PACS2: variants seen among roughly 807,000 people sequenced by gnomAD.
The protein encoded by PACS2 is PACS1-like protein.
A neutral mutation model predicts 113.0 loss-of-function variants in PACS2; 36 were observed. The observed-to-expected ratio is 0.32, with a 90% CI of 0.24 to 0.42. The LOEUF (loss-of-function observed/expected upper bound fraction) is 0.42, where lower values mean the gene tolerates loss of function less well. Among genes scored for constraint, PACS2 ranks in the 10% least tolerant of loss-of-function variants. The pLI is 1.00. For missense variants in PACS2, 1,015 were observed against 1,239.5 expected (o/e 0.82, Z 2.72); for synonymous variants, 589 against 536.1 (o/e 1.10, Z -1.36).
intron 1 of PACS2, among the ~76,000 whole-genome samples, chr14:105,336,092 G>T (rs926524305): frequency 2.0e-5 from 3 of 152,204 alleles, no homozygotes; most frequent in Non-Finnish European, 4.4e-5. Flanking sequence ...GCTCCCACGC[G>T]GGCAGGCTCG....
Position 105,356,224 on chromosome 14 carries a change from G to C in PACS2, c.423+1047G>C, listed in dbSNP as rs1595680839. 6.6e-6 allele frequency among the ~76,000 whole-genome samples: 1 copy of C among 152,114 alleles called. No homozygotes were observed. The highest frequency in any genetic ancestry group is 2.4e-5 in the African/African-American group (1 of 41,412). On this transcript the variant is annotated intron_variant, in intron 4 of 24. Coordinates refer to ENST00000447393, the MANE Select transcript of PACS2 (RefSeq NM_001100913.3). The surrounding 1 kb of genome is among the most constrained non-coding windows in gnomAD (Gnocchi z 4.0). ...CCCAGGTCAAGCGCTAGGTCCCCCA[G>C]ATCCTCACACACCCCCACTTACGCA...
At chr14:105,362,223 C>T (rs587688501) in intron 4 of PACS2, among the ~76,000 whole-genome samples, 114 of 150,784 alleles carry the variant, frequency 7.6e-4, no homozygotes, top group Middle Eastern at 3.5e-3. Flanking sequence ...TCAAGACCAT[C>T]CTGGCTAACA....
intron 19 of PACS2, chr14:105,389,715 C>G (rs1405512227): frequency 1.1e-5 from 6 of 568,398 alleles, no homozygotes; most frequent in East Asian, 2.9e-5. Context: ...ACAGAGACCC[C>G]TTTGTCCTTC....
intron 3 of PACS2, among the ~76,000 whole-genome samples, chr14:105,353,408 C>T (rs868987282): frequency 2.4e-5 from 3 of 126,618 alleles, no homozygotes; most frequent in Admixed American, 1.6e-4. Context: ...GGGTGACGGC[C>T]CCCCCTCATC....
chr14:105,317,330 G>A lies in PACS2; in HGVS notation c.119+2293G>A, dbSNP rs138716675. 7.6e-4 allele frequency among the ~76,000 whole-genome samples: 116 copies of A among 152,250 alleles called. 1 individual carries two copies. In the East Asian group the frequency reaches 0.015, roughly 19 times the overall value. ...TGCGTGTGTCTTTCTGGATGGGCAG[G>A]GCCTGTCTTAAGCATGTACCGCCAG... On this transcript the variant is annotated intron_variant, in intron 1 of 24. Coordinates refer to ENST00000447393, the MANE Select transcript of PACS2 (RefSeq NM_001100913.3). This position sits in a 1 kb window ranked among gnomAD's most constrained non-coding sequence, Gnocchi z 4.2.
chr14:105,387,248 C>G (rs147445354), intron 19 of PACS2, among the ~76,000 whole-genome samples: 1 of 152,246 alleles, frequency 6.6e-6, no homozygotes, highest in Non-Finnish European at 1.5e-5. Context: ...GTGCAGAGCC[C>G]TCTCCAGCCA....
rs1595145698 is a variant in PACS2, at chr14:105,380,108, T to C, written c.1079T>C (p.Leu360Pro). 7.1e-6 allele frequency: 11 copies of C among 1,553,178 alleles called. No homozygotes were observed. Among genetic ancestry groups the C allele is most frequent in the Non-Finnish European group, 9.6e-6 (11 of 1,148,190 alleles). ...PADVPEKTRSLGGRQPSDSVS... is the reference protein window; with the variant it reads ...PADVPEKTRSPGGRQPSDSVS... The stretch of plus-strand genomic sequence containing the variant: ...GACGTGCCCGAGAAGACGCGGTCCC[T>C]GGGAGGCAGGCAGCCGAGCGACAGT... The change falls in exon 11 of 25, where the codon CTG becomes CCG. Residue 360 changes from leucine to proline, a missense_variant. Physicochemically the swap from Leu to Pro is moderately conservative, Grantham distance 98 (BLOSUM62 -3). Coordinates refer to ENST00000447393, the MANE Select transcript of PACS2 (RefSeq NM_001100913.3).
At chr14:105,336,045 C>T (rs587645317) in intron 1 of PACS2, among the ~76,000 whole-genome samples, 52 of 152,316 alleles carry the variant, frequency 3.4e-4, no homozygotes, top group African/African-American at 6.5e-4. Flanking sequence ...CAGCAGGGCA[C>T]GGAGCGTGTG....
intron 10 of PACS2, 92 bp from the exon 11 acceptor site, chr14:105,379,988 G>A: frequency 2.9e-6 from 4 of 1,364,550 alleles, no homozygotes; most frequent in Non-Finnish European, 4.1e-6. Flanking sequence ...AGGTACCCCG[G>A]GCCTCCCTGA....
chr14:105,317,739 C>CT lies in PACS2; in HGVS notation c.119+2703dup, dbSNP rs1273773112. Among the ~76,000 whole-genome samples the CT allele has an allele frequency of 6.6e-6, 1 of 152,180 alleles. No homozygotes were observed. The highest frequency in any genetic ancestry group is 1.5e-5 in the Non-Finnish European group (1 of 68,034). ...CGAGTCTTTGCTCTCTGAGCAGCCT[C>CT]TGGGTGCACTCCCCGTGTCAGCCTG... On this transcript the variant is annotated intron_variant, in intron 1 of 24. Coordinates refer to ENST00000447393, the MANE Select transcript of PACS2 (RefSeq NM_001100913.3). This position sits in a 1 kb window ranked among gnomAD's most constrained non-coding sequence, Gnocchi z 4.2.
In PACS2 at chr14:105,380,061, C is replaced by T; in HGVS notation, c.1051-19C>T. ...ACCTGCAGTTGAGCACAAGCTGATT[C>T]CCATCTCCTCCCCCACAGGCTGACG... On this transcript the variant is annotated intron_variant, in intron 10 of 24. Coordinates refer to ENST00000447393, the MANE Select transcript of PACS2 (RefSeq NM_001100913.3). 6.5e-7 allele frequency: 1 copy of T among 1,550,000 alleles called. No homozygotes were observed. The highest frequency in any genetic ancestry group is 8.7e-7 in the Non-Finnish European group (1 of 1,145,810).
At position 105,352,836 on chromosome 14, in the gene PACS2, C is replaced by T. The variant is rs148217791; in HGVS notation, c.297+369C>T. 9.9e-3 allele frequency among the ~76,000 whole-genome samples: 1,122 copies of T among 112,792 alleles called. 9 individuals are homozygous for T. Among genetic ancestry groups the T allele is most frequent in the Non-Finnish European group, 0.011 (627 of 55,004 alleles). 74.0% of individuals were successfully genotyped at this position (112,792 alleles called of 152,430 possible). On this transcript the variant is annotated intron_variant, in intron 3 of 24. Transcript: ENST00000447393. ...CCCCCATCACTGTCCCCTGGGGAGA[C>T]GGGCCCCCCCATCAGTGTCCCCTGG...
At chr14:105,314,258 A>G (rs1325135638), upstream of PACS2, among the ~76,000 whole-genome samples, 1 of 133,542 alleles carries the variant, frequency 7.5e-6, no homozygotes, top group Non-Finnish European at 1.6e-5. Flanking sequence ...GCAGGAGACA[A>G]GGGGCGGCGA....
chr14:105,366,810 G>T lies in PACS2; in HGVS notation c.424-403G>T, dbSNP rs1555408023. On this transcript the variant is annotated intron_variant, in intron 4 of 24. Coordinates refer to ENST00000447393, the MANE Select transcript of PACS2 (RefSeq NM_001100913.3). This position sits in a 1 kb window ranked among gnomAD's most constrained non-coding sequence, Gnocchi z 4.3. ...GGTGGAGGCAGGGTTGGAGCAGGGG[G>T]CCAGGATCTTCCTGGGTGGCACTGC... is the stretch of plus-strand genomic sequence containing the variant. Among the ~76,000 whole-genome samples, 3 of 152,174 alleles carry T rather than the reference G, an allele frequency of 2.0e-5. No individual in the cohort carries two copies. Among genetic ancestry groups the T allele is most frequent in the Non-Finnish European group, 4.4e-5 (3 of 68,034 alleles).
chr14:105,367,932 T>A, intron 5 of PACS2, 142 bp from the exon 6 acceptor site: 3 of 662,404 alleles, frequency 4.5e-6, no homozygotes, highest in Non-Finnish European at 5.5e-6. Flanking sequence ...CCACGGCACC[T>A]GTGTCTGGAG....
At chr14:105,384,291 C>T (rs1388484132) in intron 16 of PACS2, 62 bp from the exon 17 acceptor site, 49 of 986,656 alleles carry the variant, frequency 5.0e-5, no homozygotes, top group South Asian at 1.8e-4. Flanking sequence ...TTTTGTGCCG[C>T]GGTGGGAGCC....
At chr14:105,368,339 C>A in intron 6 of PACS2, 120 bp from the exon 7 acceptor site, 1 of 889,082 alleles carries the variant, frequency 1.1e-6, no homozygotes, top group South Asian at 1.4e-5. Flanking sequence ...CTCTGAGAGT[C>A]TTGGGACACA....
intron 1 of PACS2, among the ~76,000 whole-genome samples, chr14:105,334,959 C>T (rs904422145): frequency 3.9e-5 from 6 of 152,252 alleles, no homozygotes; most frequent in Admixed American, 3.3e-4. Context: ...GTTGGTGAGG[C>T]ACACTGTACA....
At chr14:105,347,636 A>G (rs782629468) in intron 1 of PACS2, among the ~76,000 whole-genome samples, 1 of 152,140 alleles carries the variant, frequency 6.6e-6, no homozygotes, top group Non-Finnish European at 1.5e-5. Flanking sequence ...TGCCATCCCT[A>G]TCTGGATGGT....
Sources: gnomAD v4.1 joint callset for allele counts (sites outside exome capture counted in the v4.1 genomes callset) on GRCh38, gnomAD v4.1.1 for gene constraint, Gnocchi (gnomAD v3.1) non-coding constraint, MANE v1.5 for transcripts, NCBI Gene and HGNC (gene_info 2026-07-23, HGNC 2026-07-21) for gene names.